Variants in DOCK2 observed in about 807,000 individuals in gnomAD.
The protein encoded by DOCK2 is dedicator of cytokinesis 2.
Under a neutral mutation model 248.9 loss-of-function variants are expected in DOCK2, and 87 were observed. The ratio of observed to expected loss-of-function variants is 0.35; its 90% CI spans 0.29 to 0.42. DOCK2 has a LOEUF of 0.42. Among genes scored for constraint, DOCK2 ranks in the 10% least tolerant of loss-of-function variants. The pLI, the probability that DOCK2 is intolerant of heterozygous loss-of-function variation, is 1.00. For missense variants in DOCK2, 1,747 were observed against 2,300.2 expected (o/e 0.76, Z 4.92); for synonymous variants, 805 against 821.6 (o/e 0.98, Z 0.35).
chr5:169,799,319 T>A (rs1238555667), intron 25 of DOCK2, among the ~76,000 whole-genome samples: 1 of 152,228 alleles, frequency 6.6e-6, no homozygotes, highest in Non-Finnish European at 1.5e-5. Context: ...GCACAATTTT[T>A]ATCTTCTGGT....
At chr5:169,967,327 G>A (rs1245471364) in intron 27 of DOCK2, among the ~76,000 whole-genome samples, 1 of 152,196 alleles carries the variant, frequency 6.6e-6, no homozygotes, top group Non-Finnish European at 1.5e-5. Context: ...TATGTCAATT[G>A]TTTAAAAGGT....
At chr5:170,000,464 T>A (rs1754793373) in intron 30 of DOCK2, 1 of 152,202 alleles carries the variant, frequency 6.6e-6, no homozygotes, top group African/African-American at 2.4e-5. Context: ...GCAAAGCACA[T>A]CCTCTTTTCA....
chr5:169,934,934 T>C (rs929688193), intron 27 of DOCK2: 6 of 329,292 alleles, frequency 1.8e-5, no homozygotes, highest in African/African-American at 1.1e-4. Flanking sequence ...GAAAGTAGTA[T>C]AGAAAGTGAT....
chr5:169,889,938 C>T (rs1336825391), intron 27 of DOCK2, among the ~76,000 whole-genome samples: 1 of 152,176 alleles, frequency 6.6e-6, no homozygotes. Context: ...TTGCCGTGTC[C>T]CTTCTCTGAA....
chr5:169,887,811 A>T (rs1475434300), intron 27 of DOCK2, among the ~76,000 whole-genome samples: 3 of 152,332 alleles, frequency 2.0e-5, no homozygotes, highest in Middle Eastern at 6.8e-3. Context: ...GTTACCACTC[A>T]TCCTTCTATG....
At chr5:170,082,061 TGGG>T in intron 51 of DOCK2, 77 bp downstream of exon 51, 1 of 1,563,396 alleles carries the variant, frequency 6.4e-7, no homozygotes, top group East Asian at 2.2e-5. Flanking sequence ...GAGAAGAAAA[TGGG>T]GGGTTGTGTG....
chr5:169,868,049 A>G (rs539238610), intron 27 of DOCK2, among the ~76,000 whole-genome samples: 2 of 152,332 alleles, frequency 1.3e-5, no homozygotes, highest in East Asian at 3.9e-4. Context: ...TCTTCATCAT[A>G]GAGTACCAGA....
At chr5:169,727,846 C>A (rs1316034589) in intron 22 of DOCK2, among the ~76,000 whole-genome samples, 1 of 152,010 alleles carries the variant, frequency 6.6e-6, no homozygotes, top group Non-Finnish European at 1.5e-5. Context: ...TGGGGAGCCA[C>A]TGAAGTTCTA....
intron 6 of DOCK2, among the ~76,000 whole-genome samples, chr5:169,679,165 G>A (rs537613279): frequency 3.3e-5 from 5 of 152,218 alleles, no homozygotes; most frequent in Admixed American, 6.5e-5. Context: ...TCAGCCTCCC[G>A]AGGAGCTGGA....
intron 25 of DOCK2, among the ~76,000 whole-genome samples, chr5:169,788,124 C>A (rs1241496234): frequency 2.0e-5 from 3 of 152,060 alleles, no homozygotes. Context: ...TTCAAGAAAA[C>A]CTTCTGCTCT....
At chr5:170,065,952 T>C (rs1381222333) in intron 44 of DOCK2, among the ~76,000 whole-genome samples, 1 of 124,886 alleles carries the variant, frequency 8.0e-6, no homozygotes, top group African/African-American at 3.6e-5. Flanking sequence ...AAATGAAAAC[T>C]GTTTTTTTTT....
chr5:170,051,810 A>G (rs926185037), intron 41 of DOCK2, among the ~76,000 whole-genome samples: 7 of 152,234 alleles, frequency 4.6e-5, no homozygotes, highest in African/African-American at 1.7e-4. Context: ...GAAAGAGGAA[A>G]GAAGAAAAGA....
chr5:169,888,686 G>A lies in DOCK2; in HGVS notation c.2799+47834G>A, dbSNP rs138089485. 3.3e-4 allele frequency among the ~76,000 whole-genome samples: 50 copies of A among 152,300 alleles called. 1 individual carries two copies. The highest frequency in any genetic ancestry group is 1.2e-3 in the African/African-American group (49 of 41,562). ...CGTAGATGAGACTCTTCCACTTTCT[G>A]ACTATTGACTTGGAACAAGTGACTT... is the stretch of plus-strand genomic sequence containing the variant. On this transcript the variant is annotated intron_variant, in intron 27 of 51. Coordinates refer to ENST00000520908, the MANE Select transcript of DOCK2 (RefSeq NM_004946.3).
chr5:169,965,228 G>T (rs1302687590), intron 27 of DOCK2, among the ~76,000 whole-genome samples: 2 of 152,044 alleles, frequency 1.3e-5, no homozygotes, highest in Admixed American at 1.3e-4. Context: ...AATTTCCATG[G>T]GCCTAATACC....
intron 27 of DOCK2, among the ~76,000 whole-genome samples, chr5:169,973,126 T>C (rs1777587953): frequency 6.6e-6 from 1 of 152,194 alleles, no homozygotes; most frequent in African/African-American, 2.4e-5. Flanking sequence ...ATCCACAAAG[T>C]AATCTTCCCT....
At chr5:170,047,443 C>A (rs1188297690) in intron 39 of DOCK2, 67 bp from the exon 40 acceptor site, 1 of 1,403,242 alleles carries the variant, frequency 7.1e-7, no homozygotes, top group Non-Finnish European at 1.0e-6. Flanking sequence ...TTCACCAAGG[C>A]CTCTTTGAGT....
At chr5:169,798,913 CA>C (rs1310706698) in intron 25 of DOCK2, among the ~76,000 whole-genome samples, 1 of 152,190 alleles carries the variant, frequency 6.6e-6, no homozygotes, top group Non-Finnish European at 1.5e-5. Flanking sequence ...TCTTGAGCCA[CA>C]AAAAGCTATT....
At chr5:170,044,499 C>T (rs1379552557) in intron 38 of DOCK2, among the ~76,000 whole-genome samples, 1 of 152,118 alleles carries the variant, frequency 6.6e-6, no homozygotes, top group Non-Finnish European at 1.5e-5. Flanking sequence ...ATGGGGAGAG[C>T]GTTTCTTTTC....
chr5:170,074,823 A>G lies in DOCK2; in HGVS notation c.4729-1124A>G, dbSNP rs554546782. On this transcript the variant is annotated intron_variant, in intron 46 of 51. Transcript: ENST00000520908. ...GGCAATCTAACTGCTCCTGATACAG[A>G]ACTTCAACACATTCCTCTGTGTTTG... Among the ~76,000 whole-genome samples the G allele has an allele frequency of 7.9e-5, 12 of 152,300 alleles. No homozygotes were observed. In the South Asian group the frequency reaches 2.3e-3, roughly 29 times the overall value.
Sources: gnomAD v4.1 joint callset for allele counts (sites outside exome capture counted in the v4.1 genomes callset) on GRCh38, gnomAD v4.1.1 for gene constraint, MANE v1.5 for transcripts, NCBI Gene and HGNC (gene_info 2026-07-23, HGNC 2026-07-21) for gene names.